The following EYA2 variants were observed in gnomAD, a reference collection of about 807,000 sequenced individuals.
EYA2 encodes the protein protein phosphatase EYA2.
A neutral mutation model predicts 69.2 loss-of-function variants in EYA2; 31 were observed. The ratio of observed to expected loss-of-function variants is 0.45; its 90% CI spans 0.34 to 0.60. The LOEUF (loss-of-function observed/expected upper bound fraction) is 0.60. Ranked by LOEUF, EYA2 falls within the 20% of genes least tolerant of loss-of-function variation. The pLI, the probability that EYA2 is intolerant of heterozygous loss-of-function variation, is 0.02. For missense variants in EYA2, 622 were observed against 701.2 expected (o/e 0.89, Z 1.28); for synonymous variants, 257 against 279.4 (o/e 0.92, Z 0.80).
At chr20:46,934,680 C>T (rs757388034) in intron 1 of EYA2, among the ~76,000 whole-genome samples, 2 of 151,968 alleles carry the variant, frequency 1.3e-5, no homozygotes, top group Non-Finnish European at 2.9e-5. Context: ...GAAGACCGTT[C>T]ATTCAAACTT....
chr20:47,143,115 T>G lies in EYA2; in HGVS notation c.945T>G (p.Leu315=), dbSNP rs1264451967. Residue 315 remains leucine (L), a synonymous_variant, in exon 10 of 16, where the codon CTT becomes CTG. Transcript: ENST00000327619. The part of the protein sequence containing the change: ...GLMMEEMIFN[L]ADTHLFFNDL... ...TGATGGAAGAGATGATCTTCAACCT[T>G]GCAGATACACATCTGTTCTTCAATG... 2.5e-6 allele frequency: 4 copies of G among 1,613,702 alleles called. No individual in the cohort carries two copies. The highest frequency in any genetic ancestry group is 3.4e-6 in the Non-Finnish European group (4 of 1,179,864).
At chr20:47,142,105 C>T (rs554082293) in intron 9 of EYA2, among the ~76,000 whole-genome samples, 1 of 152,316 alleles carries the variant, frequency 6.6e-6, no homozygotes, top group Admixed American at 6.5e-5. Flanking sequence ...GACACACAGT[C>T]TACTCACCTC....
At chr20:47,170,882 A>C (rs1161042443) in intron 11 of EYA2, among the ~76,000 whole-genome samples, 2 of 152,190 alleles carry the variant, frequency 1.3e-5, no homozygotes, top group Non-Finnish European at 2.9e-5. Flanking sequence ...GTCTCTCCCA[A>C]CTTACTGCAA....
chr20:47,014,517 G>C (rs1453229915), intron 4 of EYA2, among the ~76,000 whole-genome samples: 1 of 152,118 alleles, frequency 6.6e-6, no homozygotes, highest in African/African-American at 2.4e-5. Context: ...CTACAATCTA[G>C]GGAGCACCAT....
At chr20:46,918,968 G>T (rs1985054955) in intron 1 of EYA2, among the ~76,000 whole-genome samples, 1 of 152,228 alleles carries the variant, frequency 6.6e-6, no homozygotes, top group Non-Finnish European at 1.5e-5. Context: ...ATATCTCCAT[G>T]AGAGCTCTTG....
At chr20:46,966,166 C>T (rs1568691855) in intron 1 of EYA2, among the ~76,000 whole-genome samples, 1 of 152,180 alleles carries the variant, frequency 6.6e-6, no homozygotes, top group African/African-American at 2.4e-5. Flanking sequence ...GGATATCCCT[C>T]TGTTACTCAG....
At chr20:46,978,424 C>T in intron 1 of EYA2, 2 of 373,774 alleles carry the variant, frequency 5.4e-6, no homozygotes, top group South Asian at 4.1e-5. Flanking sequence ...GAACTGAGGC[C>T]TCTGCAGGGT....
intron 2 of EYA2, among the ~76,000 whole-genome samples, chr20:47,000,692 C>T (rs1982312735): frequency 6.6e-6 from 1 of 152,170 alleles, no homozygotes; most frequent in Non-Finnish European, 1.5e-5. Context: ...TCGTCACCCC[C>T]TGCATATCGC....
rs1232416981 is a variant in EYA2 at position 46,992,846 on chromosome 20, C to T, written c.109+2727C>T. On this transcript the variant is annotated intron_variant, in intron 2 of 15. Coordinates refer to ENST00000327619, the MANE Select transcript of EYA2 (RefSeq NM_005244.5). The stretch of plus-strand genomic sequence containing the variant: ...CAGGTGGTGAGCTCCAGAGACTCTG[C>T]AGGGGACATTCCACCCTGGAGCATG... Among the ~76,000 whole-genome samples the T allele has an allele frequency of 2.0e-5, 3 of 152,308 alleles. No individual in the cohort carries two copies. In the East Asian group the frequency reaches 5.8e-4, roughly 29 times the overall value.
chr20:47,117,623 G>C, intron 9 of EYA2: 1 of 985,404 alleles, frequency 1.0e-6, no homozygotes, highest in Non-Finnish European at 1.2e-6. Context: ...GTCTGTTACT[G>C]CTTTACAAAC....
rs11473217 is a variant in EYA2 at position 47,112,862 on chromosome 20, CTTTTTTTTTTTT to C, written c.888+15710_888+15721del. The stretch of plus-strand genomic sequence containing the variant: ...CAAAAGTTAGATTTCATGTTCACTC[CTTTTTTTTTTTT>C]TTTTTTTTTTTTTTTGAGACGGAGT... On this transcript the variant is annotated intron_variant, in intron 9 of 15. Transcript: ENST00000327619. Among the ~76,000 whole-genome samples the C allele has an allele frequency of 3.2e-3, 177 of 55,844 alleles. 3 individuals are homozygous for C. The highest frequency in any genetic ancestry group is 8.3e-3 in the African/African-American group (147 of 17,640). 36.6% of individuals were successfully genotyped at this position (55,844 alleles called of 152,430 possible).
At chr20:46,919,967 G>A (rs966441809) in intron 1 of EYA2, among the ~76,000 whole-genome samples, 3 of 152,184 alleles carry the variant, frequency 2.0e-5, no homozygotes, top group African/African-American at 7.2e-5. Context: ...TGAGCAGAGG[G>A]AGAGAGGTAG....
intron 1 of EYA2, among the ~76,000 whole-genome samples, chr20:46,940,508 T>A (rs1488225649): frequency 1.3e-5 from 2 of 152,190 alleles, no homozygotes; most frequent in African/African-American, 2.4e-5. Context: ...ACGTAAGTGA[T>A]AACAACGACG....
intron 5 of EYA2, among the ~76,000 whole-genome samples, chr20:47,043,964 C>T (rs915823564): frequency 2.0e-5 from 3 of 152,150 alleles, no homozygotes; most frequent in African/African-American, 7.2e-5. Context: ...ACAAAGTTGT[C>T]CAGGTTGTCC....
chr20:46,898,645 T>C (rs1983937337), intron 1 of EYA2, among the ~76,000 whole-genome samples: 1 of 152,238 alleles, frequency 6.6e-6, no homozygotes, highest in African/African-American at 2.4e-5. Context: ...ACTGGCCTAA[T>C]GGTGTTTGAC....
intron 1 of EYA2, among the ~76,000 whole-genome samples, chr20:46,962,730 G>A (rs149030244): frequency 2.1e-3 from 320 of 152,302 alleles, no homozygotes; most frequent in African/African-American, 7.2e-3. Flanking sequence ...ATCCTACCAC[G>A]TAACAGCAAA....
intron 2 of EYA2, among the ~76,000 whole-genome samples, chr20:46,992,314 T>A (rs566588847): frequency 1.3e-5 from 2 of 152,270 alleles, no homozygotes; most frequent in East Asian, 3.9e-4. Context: ...TGCAGAGAGG[T>A]TAAGCAGCTT....
intron 9 of EYA2, among the ~76,000 whole-genome samples, chr20:47,136,741 C>CAAAA (rs11482117): frequency 9.2e-6 from 1 of 108,162 alleles, no homozygotes. Context: ...GACCCTGTCT[C>CAAAA]AAAAAAAAAA....
chr20:47,009,790 C>T (rs1302814101), intron 4 of EYA2, among the ~76,000 whole-genome samples: 1 of 152,202 alleles, frequency 6.6e-6, no homozygotes, highest in Non-Finnish European at 1.5e-5. Flanking sequence ...ACTTTATTTA[C>T]AAAAATGAAC....
Sources: gnomAD v4.1 joint callset for allele counts (sites outside exome capture counted in the v4.1 genomes callset) on GRCh38, gnomAD v4.1.1 for gene constraint, MANE v1.5 for transcripts, NCBI Gene and HGNC (gene_info 2026-07-23, HGNC 2026-07-21) for gene names.